The following KDM4D variants were observed in gnomAD, a reference collection of about 807,000 sequenced individuals.
KDM4D encodes the protein lysine demethylase 4D, also known as lysine-specific demethylase 4D.
For missense variants in KDM4D, 427 were observed against 674.8 expected (o/e 0.63, Z 4.07); for synonymous variants, 254 against 249.1 (o/e 1.02, Z -0.19).
intron 2 of KDM4D, among the ~76,000 whole-genome samples, chr11:94,982,305 T>C (rs1857848084): frequency 6.6e-6 from 1 of 151,942 alleles, no homozygotes; most frequent in South Asian, 2.1e-4. Context: ...GAATTTTATA[T>C]GACTATTGCT....
intron 2 of KDM4D, among the ~76,000 whole-genome samples, chr11:94,984,009 G>C (rs1291145357): frequency 6.6e-6 from 1 of 152,124 alleles, no homozygotes; most frequent in Admixed American, 6.6e-5. Flanking sequence ...AGCACTGAAA[G>C]TAATAGGAAA....
At chr11:94,981,878 G>A (rs1590965169) in intron 2 of KDM4D, among the ~76,000 whole-genome samples, 1 of 150,682 alleles carries the variant, frequency 6.6e-6, no homozygotes, top group East Asian at 1.9e-4. Flanking sequence ...TTTCTTTGCT[G>A]TTACTTTTTT....
intron 2 of KDM4D, among the ~76,000 whole-genome samples, chr11:94,996,732 CA>C (rs1245886708): frequency 6.6e-6 from 1 of 152,142 alleles, no homozygotes; most frequent in Non-Finnish European, 1.5e-5. Flanking sequence ...AGCTCACAAC[CA>C]TACACATTTC....
chr11:94,982,748 T>G (rs1555097725), intron 2 of KDM4D, among the ~76,000 whole-genome samples: 2 of 151,886 alleles, frequency 1.3e-5, no homozygotes. Context: ...AAAATTTCCA[T>G]GTACAGTACA....
Position 94,997,552 on chromosome 11 carries a change from A to G in KDM4D, c.180A>G (p.Arg60=). Residue 60 remains arginine (R), a synonymous_variant, in exon 3 of 3, where the codon AGA becomes AGG. Transcript: ENST00000335080. ...KIIPPKEWKA[R]ETYDNISEIL... is the part of the protein sequence containing the mutation. ...TTCCACCCAAAGAATGGAAAGCCAGAGAGACCTATGATAATATCAGTGAAA... is the reference window on the plus strand; with the variant it reads ...TTCCACCCAAAGAATGGAAAGCCAGGGAGACCTATGATAATATCAGTGAAA... 1 of 1,614,172 alleles carries G rather than the reference A, an allele frequency of 6.2e-7. No homozygotes were observed. Among genetic ancestry groups the G allele is most frequent in the East Asian group, 2.2e-5 (1 of 44,888 alleles).
chr11:94,978,308 A>C (rs12574162), intron 2 of KDM4D, among the ~76,000 whole-genome samples: 1 of 151,970 alleles, frequency 6.6e-6, no homozygotes. Context: ...TACGAAAAAA[A>C]AAATGCCCAC....
At chr11:94,983,546 A>G (rs1857859911) in intron 2 of KDM4D, among the ~76,000 whole-genome samples, 2 of 152,170 alleles carry the variant, frequency 1.3e-5, no homozygotes, top group Non-Finnish European at 1.5e-5. Context: ...ACAATACAAT[A>G]GACATAAAAT....
intron 2 of KDM4D, among the ~76,000 whole-genome samples, chr11:94,993,957 T>A (rs1857956829): frequency 6.6e-6 from 1 of 152,110 alleles, no homozygotes; most frequent in African/African-American, 2.4e-5. Context: ...ATTAAAAAAT[T>A]GGGATGAGAT....
chr11:94,987,700 C>G (rs1449900823), intron 2 of KDM4D, among the ~76,000 whole-genome samples: 1 of 152,036 alleles, frequency 6.6e-6, no homozygotes, highest in African/African-American at 2.4e-5. Flanking sequence ...AGGGCAAACT[C>G]AGAGGAAACA....
At chr11:94,986,273 A>G (rs1292560298) in intron 2 of KDM4D, among the ~76,000 whole-genome samples, 1 of 152,180 alleles carries the variant, frequency 6.6e-6, no homozygotes, top group African/African-American at 2.4e-5. Context: ...CAATATCATG[A>G]GTCATTAAGG....
Position 94,998,035 on chromosome 11 carries a change from G to A in KDM4D, c.663G>A (p.Gln221=). The change falls in exon 3 of 3, where the codon CAG becomes CAA. Residue 221 remains glutamine (Q), a synonymous_variant. Transcript: ENST00000335080. The surrounding 1 kb of genome is among the most constrained non-coding windows in gnomAD (Gnocchi z 6.7). ...TWYVVPPEHG[Q]RLERLARELF... Reference sequence around the variant, plus strand: ...ATGTGGTGCCCCCAGAACATGGCCAGCGCCTGGAACGCCTGGCCAGGGAGC... The same window carrying A: ...ATGTGGTGCCCCCAGAACATGGCCAACGCCTGGAACGCCTGGCCAGGGAGC... The A allele has an allele frequency of 6.2e-7, 1 of 1,614,260 alleles. No homozygotes were observed. Among genetic ancestry groups the A allele is most frequent in the Non-Finnish European group, 8.5e-7 (1 of 1,180,052 alleles).
At chr11:94,983,724 TAACAAC>T (rs201707140) in intron 2 of KDM4D, among the ~76,000 whole-genome samples, 87 of 151,970 alleles carry the variant, frequency 5.7e-4, no homozygotes, top group African/African-American at 2.0e-3. Flanking sequence ...CACACAATAA[TAACAAC>T]AACAACAACA....
At chr11:94,992,241 A>G (rs1185206781) in intron 2 of KDM4D, among the ~76,000 whole-genome samples, 2 of 151,776 alleles carry the variant, frequency 1.3e-5, no homozygotes, top group Non-Finnish European at 2.9e-5. Context: ...AATAAATTTA[A>G]AGAAATACAA....
rs1857893445 is a variant in KDM4D, at chr11:94,986,984, TAAG to T, written c.-349-10037_-349-10035del. On this transcript the variant is annotated intron_variant, in intron 2 of 2. Transcript: ENST00000335080. ...CATACCATAGATTATGATTTGGTCA[TAAG>T]AAATAAAATACTGATATATACTACA... 2.0e-5 allele frequency among the ~76,000 whole-genome samples: 3 copies of T among 152,332 alleles called. No homozygotes were observed. The South Asian group carries it at 6.2e-4, about 32-fold the overall frequency.
intron 2 of KDM4D, among the ~76,000 whole-genome samples, chr11:94,986,609 T>A (rs1555098148): frequency 6.6e-6 from 1 of 151,906 alleles, no homozygotes; most frequent in Admixed American, 6.6e-5. Context: ...AAACAAAAAA[T>A]TAAAAACCAC....
chr11:94,998,821 T>G lies in KDM4D; in HGVS notation c.1449T>G (p.Ala483=), dbSNP rs1354054141. The G allele has an allele frequency of 2.5e-6, 4 of 1,595,358 alleles. No individual in the cohort carries two copies. Among genetic ancestry groups the G allele is most frequent in the African/African-American group, 1.3e-5 (1 of 74,384 alleles). Residue 483 remains alanine, a synonymous_variant, in exon 3 of 3, where the codon GCT becomes GCG. Coordinates refer to ENST00000335080, the MANE Select transcript of KDM4D (RefSeq NM_018039.3). The surrounding 1 kb of genome is among the most constrained non-coding windows in gnomAD (Gnocchi z 6.7). ...TCTTGGCGGGCACAACATGCACAGC[T>G]TCGGGCCCAGAACCTGAGCCCCTAC... ...RPLLAGTTCT[A]SGPEPEPLPE... is the part of the protein sequence containing the mutation.
At chr11:94,995,526 G>A (rs1034773957) in intron 2 of KDM4D, among the ~76,000 whole-genome samples, 1 of 152,124 alleles carries the variant, frequency 6.6e-6, no homozygotes, top group Non-Finnish European at 1.5e-5. Flanking sequence ...AAGAACTGAC[G>A]AAGAAGGGAA....
At chr11:94,982,584 G>A (rs79521742) in intron 2 of KDM4D, among the ~76,000 whole-genome samples, 5,022 of 148,462 alleles carry the variant, frequency 0.034, 133 homozygotes, top group Admixed American at 0.096. Flanking sequence ...AAAAAAAGAA[G>A]AGATATAATT....
At chr11:94,987,578 G>A (rs587760349) in intron 2 of KDM4D, among the ~76,000 whole-genome samples, 3 of 152,260 alleles carry the variant, frequency 2.0e-5, no homozygotes, top group African/African-American at 7.2e-5. Flanking sequence ...ATGCCTACCA[G>A]TCATACATAG....
Sources: gnomAD v4.1 joint callset for allele counts (sites outside exome capture counted in the v4.1 genomes callset) on GRCh38, gnomAD v4.1.1 for gene constraint, Gnocchi (gnomAD v3.1) non-coding constraint, MANE v1.5 for transcripts, NCBI Gene and HGNC (gene_info 2026-07-23, HGNC 2026-07-21) for gene names.